ARMC3: variants seen among roughly 807,000 people sequenced by gnomAD.
The protein encoded by ARMC3 is armadillo repeat-containing protein 3.
In ARMC3, 74 loss-of-function variants were observed where a neutral mutation model predicts 90.3. That is an observed-to-expected ratio of 0.82 (90% CI 0.68 to 0.99). The LOEUF (loss-of-function observed/expected upper bound fraction) is 0.99. Ranked by LOEUF, ARMC3 falls within the 50% of genes least tolerant of loss-of-function variation. ARMC3 has a pLI of 0.00. For missense variants in ARMC3, 958 were observed against 1,042.8 expected, an observed-to-expected ratio of 0.92 and a Z score of 1.12; for synonymous variants, 334 against 361.8, an observed-to-expected ratio of 0.92 and a Z score of 0.87.
At chr10:22,941,134 A>G (rs1284283043) in intron 2 of ARMC3, among the ~76,000 whole-genome samples, 1 of 152,194 alleles carries the variant, frequency 6.6e-6, no homozygotes, top group East Asian at 1.9e-4. Context: ...AAATTATAGG[A>G]CAGGCGAAAC....
intron 13 of ARMC3, among the ~76,000 whole-genome samples, chr10:23,006,253 G>A (rs1225185545): frequency 6.6e-6 from 1 of 152,168 alleles, no homozygotes; most frequent in Non-Finnish European, 1.5e-5. Context: ...GAGAGCTAAC[G>A]AAGGCCAGGT....
rs779147345 is a variant in ARMC3 at position 23,006,866 on chromosome 10, C to T, written c.1732-18C>T. ...ACCCCTGCAGATACTACTTTTTGGT[C>T]CTTAAATTATCTCACAGATAAATCC... On this transcript the variant is annotated intron_variant, in intron 13 of 18. Transcript: ENST00000298032. 8.1e-6 allele frequency: 13 copies of T among 1,611,312 alleles called. No homozygotes were observed. Among genetic ancestry groups the T allele is most frequent in the South Asian group, 1.1e-5 (1 of 90,950 alleles).
At chr10:23,001,399 C>T (rs951150420) in intron 11 of ARMC3, among the ~76,000 whole-genome samples, 21 of 152,286 alleles carry the variant, frequency 1.4e-4, no homozygotes, top group African/African-American at 3.9e-4. Context: ...GCTTCCATCA[C>T]GTGTCTTTTT....
At chr10:22,941,076 G>C (rs1834308795) in intron 2 of ARMC3, among the ~76,000 whole-genome samples, 1 of 152,092 alleles carries the variant, frequency 6.6e-6, no homozygotes, top group South Asian at 2.1e-4. Context: ...TCTGCCACAT[G>C]AAAGAAGCGT....
At chr10:23,017,998 G>C (rs1251828817) in intron 16 of ARMC3, among the ~76,000 whole-genome samples, 1 of 152,216 alleles carries the variant, frequency 6.6e-6, no homozygotes, top group African/African-American at 2.4e-5. Context: ...GCAGGCTAAT[G>C]TCACGGAGAG....
chr10:22,944,582 G>A (rs1378942502), intron 2 of ARMC3, among the ~76,000 whole-genome samples: 2 of 152,124 alleles, frequency 1.3e-5, no homozygotes, highest in African/African-American at 4.8e-5. Flanking sequence ...ATATCTGGAA[G>A]AGATCATACT....
chr10:22,962,563 C>G (rs1392058094), intron 7 of ARMC3, among the ~76,000 whole-genome samples: 2 of 152,216 alleles, frequency 1.3e-5, no homozygotes, highest in African/African-American at 2.4e-5. Context: ...TGGTTCAGAT[C>G]TCTTCTGAAT....
At chr10:23,010,388 CTCTTTCCCTT>C (rs1837879097) in intron 16 of ARMC3, among the ~76,000 whole-genome samples, 2 of 110,884 alleles carry the variant, frequency 1.8e-5, no homozygotes, top group Non-Finnish European at 3.8e-5. Flanking sequence ...TCCTTCCCCT[CTCTTTCCCTT>C]CCCTCTCCTC....
chr10:23,005,010 G>A (rs1286232387), intron 13 of ARMC3, among the ~76,000 whole-genome samples: 1 of 130,518 alleles, frequency 7.7e-6, no homozygotes, highest in South Asian at 2.4e-4. Context: ...AGGTCAGATC[G>A]AGACCATCCT....
At chr10:22,929,099 A>G (rs1833825625) in intron 1 of ARMC3, among the ~76,000 whole-genome samples, 1 of 151,848 alleles carries the variant, frequency 6.6e-6, no homozygotes, top group Non-Finnish European at 1.5e-5. Context: ...GGTGGCGGGT[A>G]CCTGTAATCC....
intron 16 of ARMC3, among the ~76,000 whole-genome samples, chr10:23,018,513 A>ATT: frequency 2.0e-5 from 1 of 49,478 alleles, no homozygotes; most frequent in Non-Finnish European, 4.2e-5. Context: ...GCACCTTAGT[A>ATT]ATTTTTTTTT....
In ARMC3 at chr10:22,978,516, G is replaced by A. The variant is rs557321321; in HGVS notation, c.917-2824G>A. On this transcript the variant is annotated intron_variant, in intron 8 of 18. Coordinates refer to ENST00000298032, the MANE Select transcript of ARMC3 (RefSeq NM_173081.5). ...AGAACTGCAATTCAAGATGAGATTT[G>A]TTTGGGGACACAGCCAAACCATATC... 2.6e-5 allele frequency among the ~76,000 whole-genome samples: 4 copies of A among 152,290 alleles called. No individual in the cohort carries two copies. The East Asian group carries it at 5.8e-4, about 22-fold the overall frequency.
At chr10:23,000,093 T>G (rs1399121992) in intron 11 of ARMC3, among the ~76,000 whole-genome samples, 1 of 152,116 alleles carries the variant, frequency 6.6e-6, no homozygotes, top group East Asian at 1.9e-4. Flanking sequence ...CCTGGTCACA[T>G]CATTGCACAT....
intron 10 of ARMC3, among the ~76,000 whole-genome samples, chr10:22,989,011 C>T (rs973133749): frequency 3.3e-5 from 5 of 152,060 alleles, no homozygotes; most frequent in African/African-American, 1.2e-4. Flanking sequence ...TTTTCATTTT[C>T]GGAGAGTTCC....
intron 12 of ARMC3, among the ~76,000 whole-genome samples, chr10:23,002,570 CTT>C (rs869232724): frequency 9.0e-5 from 13 of 143,894 alleles, no homozygotes; most frequent in Middle Eastern, 3.4e-3. Flanking sequence ...TTCTTTCTTT[CTT>C]TCTTTCTTTC....
intron 16 of ARMC3, among the ~76,000 whole-genome samples, chr10:23,028,950 C>A (rs1223654302): frequency 6.6e-6 from 1 of 152,138 alleles, no homozygotes; most frequent in Non-Finnish European, 1.5e-5. Flanking sequence ...GGTCCTCCAG[C>A]CAGAAAACTT....
intron 2 of ARMC3, among the ~76,000 whole-genome samples, chr10:22,934,850 T>C (rs1200052797): frequency 6.6e-6 from 1 of 152,154 alleles, no homozygotes; most frequent in African/African-American, 2.4e-5. Flanking sequence ...TTCATCATTC[T>C]ACAGAACTGA....
At position 22,959,462 on chromosome 10, in the gene ARMC3, G is replaced by C. The variant is rs1208948148; in HGVS notation, c.425G>C (p.Ser142Thr). 9.9e-6 allele frequency: 16 copies of C among 1,613,818 alleles called. No individual in the cohort carries two copies. The highest frequency in any genetic ancestry group is 1.4e-5 in the Non-Finnish European group (16 of 1,179,958). Residue 142 changes from serine to threonine, a missense_variant, in exon 6 of 19, where the codon AGT becomes ACT. Transcript: ENST00000298032. ...GCAAACATGTCTGCAGAGTACACCA[G>C]TAAAGTGCAAATATTTGAACATGGG... ...CLANMSAEYT[S>T]KVQIFEHGGL...
At chr10:23,031,909 T>C (rs1302972773) in intron 17 of ARMC3, among the ~76,000 whole-genome samples, 2 of 152,040 alleles carry the variant, frequency 1.3e-5, no homozygotes, top group Non-Finnish European at 2.9e-5. Flanking sequence ...TTTTAAATCA[T>C]TGTTCTTCTT....
Sources: allele counts gnomAD v4.1 joint callset (sites outside exome capture counted in the v4.1 genomes callset), GRCh38; gene constraint gnomAD v4.1.1; transcripts MANE v1.5; gene names NCBI Gene and HGNC (gene_info 2026-07-23, HGNC 2026-07-21).